MFHAS1: variants seen among roughly 807,000 people sequenced by gnomAD.
MFHAS1 encodes malignant fibrous histiocytoma-amplified sequence 1.
In MFHAS1, 50 loss-of-function variants were observed where a neutral mutation model predicts 70.4. That is an observed-to-expected ratio of 0.71 (90% CI 0.57 to 0.90). The LOEUF (loss-of-function observed/expected upper bound fraction) is 0.90. Ranked by LOEUF, MFHAS1 falls within the 40% of genes least tolerant of loss-of-function variation. MFHAS1 has a pLI of 0.00. For synonymous variants in MFHAS1, 952 were observed against 620.0 expected, an observed-to-expected ratio of 1.54 and a Z score of -7.96; for missense variants, 1,795 against 1,347.6, an observed-to-expected ratio of 1.33 and a Z score of -5.20.
chr8:8,852,032 G>C (rs1276963583), intron 1 of MFHAS1, among the ~76,000 whole-genome samples: 1 of 152,160 alleles, frequency 6.6e-6, no homozygotes, highest in Admixed American at 6.5e-5. Flanking sequence ...GGATACATAG[G>C]GAGTGGGTGG....
At chr8:8,810,922 G>GGT (rs1397611964) in intron 1 of MFHAS1, among the ~76,000 whole-genome samples, 2 of 152,176 alleles carry the variant, frequency 1.3e-5, no homozygotes, top group Non-Finnish European at 2.9e-5. Flanking sequence ...GTCTGGTAGA[G>GGT]CTGAGGCCTC....
rs1384775428 is a variant in MFHAS1, at chr8:8,796,733, C to T, written c.3125+632G>A. On this transcript the variant is annotated intron_variant, in intron 2 of 2. Coordinates refer to ENST00000276282, the MANE Select transcript of MFHAS1 (RefSeq NM_004225.3). ...AAAAAAGGCCGGACGTGGTGGCTCA[C>T]GCCTGTAATCCCAGCACTTTGGGAG... Among the ~76,000 whole-genome samples the T allele has an allele frequency of 1.5e-5, 2 of 133,188 alleles. 1 individual carries two copies. The highest frequency in any genetic ancestry group is 3.1e-5 in the Non-Finnish European group (2 of 63,812). 87.4% of individuals were successfully genotyped at this position (133,188 alleles called of 152,430 possible).
chr8:8,785,915 G>C lies in MFHAS1; in HGVS notation c.*107C>G. ...CCTGCAAGCACGCGTTGTCACTCAA[G>C]TTCACAGAACACGCTGGGGTGAGTG... On this transcript the variant is annotated 3_prime_UTR_variant, in exon 3 of 3. Coordinates refer to ENST00000276282, the MANE Select transcript of MFHAS1 (RefSeq NM_004225.3). 1.0e-6 allele frequency: 1 copy of C among 962,180 alleles called. No homozygotes were observed. The highest frequency in any genetic ancestry group is 1.5e-6 in the Non-Finnish European group (1 of 662,224). 59.6% of individuals were successfully genotyped at this position (962,180 alleles called of 1,614,324 possible).
chr8:8,858,071 C>T (rs560890668), intron 1 of MFHAS1, among the ~76,000 whole-genome samples: 3 of 152,326 alleles, frequency 2.0e-5, no homozygotes, highest in Middle Eastern at 3.4e-3. Flanking sequence ...CCTGCCTCCA[C>T]GCCTGACAGC....
intron 1 of MFHAS1, among the ~76,000 whole-genome samples, chr8:8,842,762 T>G (rs1807880339): frequency 6.6e-6 from 1 of 152,108 alleles, no homozygotes; most frequent in African/African-American, 2.4e-5. Flanking sequence ...AGCAATGCCC[T>G]AATCCTAGTA....
chr8:8,849,640 T>A (rs1808167831), intron 1 of MFHAS1, among the ~76,000 whole-genome samples: 1 of 152,192 alleles, frequency 6.6e-6, no homozygotes, highest in African/African-American at 2.4e-5. Flanking sequence ...GCATTTTGTG[T>A]CTCCTGGTCA....
intron 1 of MFHAS1, among the ~76,000 whole-genome samples, chr8:8,818,204 A>AGTTCC (rs202023853): frequency 0.14 from 20,871 of 152,164 alleles, 1,875 homozygotes; most frequent in Non-Finnish European, 0.2. Flanking sequence ...GTAGACTCAG[A>AGTTCC]AGAGTTTCTG....
intron 1 of MFHAS1, among the ~76,000 whole-genome samples, chr8:8,839,028 C>T (rs1807707273): frequency 6.6e-6 from 1 of 152,050 alleles, no homozygotes; most frequent in Non-Finnish European, 1.5e-5. Context: ...CTCAGAAAGA[C>T]AAATGCTATT....
At chr8:8,844,140 C>T (rs966029890) in intron 1 of MFHAS1, among the ~76,000 whole-genome samples, 6 of 152,186 alleles carry the variant, frequency 3.9e-5, no homozygotes, top group African/African-American at 1.4e-4. Context: ...CTACTACTAA[C>T]CTAGCAAGAG....
In MFHAS1 at chr8:8,892,359, G is replaced by A; in HGVS notation, c.700C>T (p.Leu234=). The change falls in exon 1 of 3, where the codon CTG becomes TTG. Residue 234 remains leucine (L), a synonymous_variant. Transcript: ENST00000276282. This position sits in a 1 kb window ranked among gnomAD's most constrained non-coding sequence, Gnocchi z 4.7. ...AGCGTGCCAAGCTCGGCCCCACTCA[G>A]CCAGAGGATCTTGAGGGCACGCAGG... ...SALRALKILW[L]SGAELGTLPA... is the part of the protein sequence containing the mutation. 1 of 1,612,178 alleles carries A rather than the reference G, an allele frequency of 6.2e-7. No individual in the cohort carries two copies. Among genetic ancestry groups the A allele is most frequent in the Non-Finnish European group, 8.5e-7 (1 of 1,179,934 alleles).
intron 1 of MFHAS1, among the ~76,000 whole-genome samples, chr8:8,882,151 C>T (rs112238714): frequency 6.6e-6 from 1 of 152,066 alleles, no homozygotes; most frequent in Non-Finnish European, 1.5e-5. Flanking sequence ...GAGGCCAAAG[C>T]GGGCAGACCA....
intron 1 of MFHAS1, among the ~76,000 whole-genome samples, chr8:8,855,295 A>T (rs926538644): frequency 3.3e-5 from 5 of 152,192 alleles, no homozygotes; most frequent in Non-Finnish European, 7.3e-5. Context: ...TTGTATTAGG[A>T]CAAGCGGAAA....
chr8:8,878,676 A>G (rs1356678334), intron 1 of MFHAS1, among the ~76,000 whole-genome samples: 1 of 152,024 alleles, frequency 6.6e-6, no homozygotes, highest in Non-Finnish European at 1.5e-5. Flanking sequence ...AAAAAGAAAA[A>G]AAAAAAGGAA....
At chr8:8,811,827 G>A (rs940346220) in intron 1 of MFHAS1, among the ~76,000 whole-genome samples, 5 of 152,196 alleles carry the variant, frequency 3.3e-5, no homozygotes, top group Admixed American at 6.5e-5. Flanking sequence ...GCCCTCAAGC[G>A]TGTGGTTCTG....
At chr8:8,813,321 T>G (rs188301201) in intron 1 of MFHAS1, among the ~76,000 whole-genome samples, 3 of 151,604 alleles carry the variant, frequency 2.0e-5, no homozygotes, top group African/African-American at 7.3e-5. Context: ...ACTATACTTT[T>G]TATCATTCTT....
At chr8:8,854,391 G>A (rs751746825) in intron 1 of MFHAS1, among the ~76,000 whole-genome samples, 7 of 152,124 alleles carry the variant, frequency 4.6e-5, no homozygotes, top group Non-Finnish European at 1.0e-4. Flanking sequence ...CTTGGTGGTG[G>A]GCGCCTACAG....
intron 1 of MFHAS1, among the ~76,000 whole-genome samples, chr8:8,862,094 T>G (rs776483412): frequency 1.3e-5 from 2 of 152,242 alleles, no homozygotes; most frequent in African/African-American, 2.4e-5. Flanking sequence ...TTTAACTTTA[T>G]ATGAAACTAG....
At chr8:8,859,765 C>T (rs1022020136) in intron 1 of MFHAS1, among the ~76,000 whole-genome samples, 1 of 152,148 alleles carries the variant, frequency 6.6e-6, no homozygotes, top group African/African-American at 2.4e-5. Context: ...ACTGTTAATG[C>T]TATCAGTAAG....
At chr8:8,814,703 T>C (rs189845188) in intron 1 of MFHAS1, among the ~76,000 whole-genome samples, 9 of 152,052 alleles carry the variant, frequency 5.9e-5, no homozygotes, top group African/African-American at 2.2e-4. Context: ...AATAAAATAA[T>C]TTTTTTAAAT....
Sources: gnomAD v4.1 joint callset for allele counts (sites outside exome capture counted in the v4.1 genomes callset) on GRCh38, gnomAD v4.1.1 for gene constraint, Gnocchi (gnomAD v3.1) non-coding constraint, MANE v1.5 for transcripts, NCBI Gene and HGNC (gene_info 2026-07-23, HGNC 2026-07-21) for gene names.